Variants in PIWIL2 observed in about 807,000 individuals in gnomAD.
PIWIL2 encodes piwi like RNA-mediated gene silencing 2, also known as piwi-like protein 2.
In PIWIL2, 81 loss-of-function variants were observed where a neutral mutation model predicts 116.5. The ratio of observed to expected loss-of-function variants is 0.70; its 90% confidence interval spans 0.58 to 0.84. The LOEUF (loss-of-function observed/expected upper bound fraction) is 0.84, where lower values mean the gene tolerates loss of function less well. PIWIL2 is among the 40% of genes least tolerant of loss of function. PIWIL2 has a pLI of 0.00. For missense variants in PIWIL2, 1,272 were observed against 1,212.3 expected (o/e 1.05, Z -0.73); for synonymous variants, 489 against 429.5 (o/e 1.14, Z -1.71).
intron 7 of PIWIL2, 32 bp downstream of exon 7, chr8:22,287,677 G>T: frequency 7.5e-7 from 1 of 1,329,926 alleles, no homozygotes; most frequent in South Asian, 1.2e-5. Flanking sequence ...ACTTTGAGAT[G>T]AACCCTAAGA....
intron 20 of PIWIL2, among the ~76,000 whole-genome samples, chr8:22,320,683 C>T (rs749466865): frequency 4.6e-5 from 7 of 151,950 alleles, no homozygotes; most frequent in Non-Finnish European, 1.0e-4. Context: ...CTCCGCCTCC[C>T]GGGTTCAAGC....
chr8:22,303,226 A>T (rs1831093079), intron 10 of PIWIL2, among the ~76,000 whole-genome samples: 1 of 152,194 alleles, frequency 6.6e-6, no homozygotes, highest in Admixed American at 6.5e-5. Flanking sequence ...AACTGTATAC[A>T]CATACAAACA....
At chr8:22,351,823 CCCA>C (rs1427350917) in intron 20 of PIWIL2, among the ~76,000 whole-genome samples, 5 of 149,368 alleles carry the variant, frequency 3.3e-5, no homozygotes, top group African/African-American at 1.2e-4. Flanking sequence ...ACAGGCGTGA[CCCA>C]CCGTGTCCAG....
intron 20 of PIWIL2, among the ~76,000 whole-genome samples, chr8:22,334,382 C>T (rs927787106): frequency 6.6e-6 from 1 of 151,474 alleles, no homozygotes; most frequent in Non-Finnish European, 1.5e-5. Flanking sequence ...ATTAGCTGGG[C>T]ATCATGGCGG....
At chr8:22,304,620 G>A (rs555089031) in intron 11 of PIWIL2, among the ~76,000 whole-genome samples, 164 bp from the exon 12 acceptor site, 5 of 152,260 alleles carry the variant, frequency 3.3e-5, no homozygotes, top group African/African-American at 9.6e-5. Context: ...ATTTGAGCCT[G>A]CTTTTTCCTG....
intron 20 of PIWIL2, among the ~76,000 whole-genome samples, chr8:22,324,240 C>T (rs1406150008): frequency 6.6e-6 from 1 of 152,058 alleles, no homozygotes; most frequent in Non-Finnish European, 1.5e-5. Context: ...CCAGTCTGGG[C>T]GACAAAGCAA....
At chr8:22,328,818 G>GTTTTTTTTTT (rs57027657) in intron 20 of PIWIL2, among the ~76,000 whole-genome samples, 1 of 107,158 alleles carries the variant, frequency 9.3e-6, no homozygotes, top group Non-Finnish European at 1.8e-5. Context: ...AGCTCTAGTC[G>GTTTTTTTTTT]TTTTTTTTTT....
intron 20 of PIWIL2, among the ~76,000 whole-genome samples, chr8:22,347,289 T>C (rs1832250286): frequency 2.0e-5 from 3 of 150,744 alleles, no homozygotes; most frequent in Admixed American, 2.0e-4. Context: ...CTCGGCTCAC[T>C]GTGCAAGCTC....
chr8:22,353,052 C>T lies in PIWIL2; in HGVS notation c.2497C>T (p.Leu833=). 1.9e-6 allele frequency: 3 copies of T among 1,614,144 alleles called. No individual in the cohort carries two copies. Among genetic ancestry groups the T allele is most frequent in the Non-Finnish European group, 2.5e-6 (3 of 1,179,988 alleles). ...KTVANYEIPQ[L]QKCFEAFENY... is the part of the protein sequence containing the mutation. ...AGTTGCCAACTATGAGATTCCTCAA[C>T]TACAGAAGTGTTTTGAAGCTTTTGA... is the stretch of plus-strand genomic sequence containing the variant. Residue 833 remains leucine (L), a synonymous_variant, in exon 21 of 23, where the codon CTA becomes TTA. Coordinates refer to ENST00000356766, the MANE Select transcript of PIWIL2 (RefSeq NM_018068.5).
At chr8:22,310,964 A>G (rs1233185442) in intron 15 of PIWIL2, 148 bp from the exon 16 acceptor site, 4 of 657,880 alleles carry the variant, frequency 6.1e-6, no homozygotes, top group Non-Finnish European at 7.8e-6. Context: ...TTTTCTTATC[A>G]TGTACGTTCA....
At position 22,311,258 on chromosome 8, in the gene PIWIL2, A is replaced by G; in HGVS notation, c.1947A>G (p.Ile649Met). 1 of 1,614,200 alleles carries G rather than the reference A, an allele frequency of 6.2e-7. No homozygotes were observed. The highest frequency in any genetic ancestry group is 8.5e-7 in the Non-Finnish European group (1 of 1,180,020). ...GGGTTGAACTAAAGGATGACCGAAT[A>G]GAGACTTATGTCAGAACCATTCAAT... ...PAWVELKDDRIETYVRTIQST... is the reference protein window; with the variant it reads ...PAWVELKDDRMETYVRTIQST... Residue 649 changes from isoleucine to methionine, a missense_variant, in exon 16 of 23, where the codon ATA becomes ATG. Transcript: ENST00000356766.
intron 10 of PIWIL2, among the ~76,000 whole-genome samples, chr8:22,294,886 T>G: frequency 1.2e-5 from 1 of 86,288 alleles, no homozygotes; most frequent in Non-Finnish European, 2.1e-5. Flanking sequence ...CATGGTGAAA[T>G]CCCATCTTTA....
chr8:22,277,191 T>A (rs1830397649), intron 1 of PIWIL2, among the ~76,000 whole-genome samples: 1 of 151,956 alleles, frequency 6.6e-6, no homozygotes, highest in Non-Finnish European at 1.5e-5. Context: ...CTGGCTAATT[T>A]TTGTATTTTT....
chr8:22,277,223 T>C (rs1273310419), intron 1 of PIWIL2, among the ~76,000 whole-genome samples: 2 of 152,102 alleles, frequency 1.3e-5, no homozygotes. Flanking sequence ...GGTTTCATCA[T>C]GTTTGCCACG....
At chr8:22,343,211 C>G (rs182251493) in intron 20 of PIWIL2, among the ~76,000 whole-genome samples, 5 of 151,774 alleles carry the variant, frequency 3.3e-5, no homozygotes, top group African/African-American at 1.2e-4. Flanking sequence ...TCAAGACCAA[C>G]CTGACCAACA....
In PIWIL2 at chr8:22,299,331, C is replaced by G. The variant is rs551499830; in HGVS notation, c.1182-4690C>G. 4.6e-5 allele frequency among the ~76,000 whole-genome samples: 7 copies of G among 152,020 alleles called. No individual in the cohort carries two copies. In the South Asian group the frequency reaches 1.0e-3, roughly 23 times the overall value. The stretch of plus-strand genomic sequence containing the variant: ...GTTCAAGCGATTCTCCTGCCTCAGC[C>G]TCCTGAGTAGCTGGGATTACAGGCA... On this transcript the variant is annotated intron_variant, in intron 10 of 22. Coordinates refer to ENST00000356766, the MANE Select transcript of PIWIL2 (RefSeq NM_018068.5).
At chr8:22,330,983 T>C (rs190775411) in intron 20 of PIWIL2, among the ~76,000 whole-genome samples, 9,120 of 152,172 alleles carry the variant, frequency 0.06, 339 homozygotes, top group Admixed American at 0.091. Context: ...GAGACCAGCC[T>C]GGCCAACATG....
intron 8 of PIWIL2, among the ~76,000 whole-genome samples, chr8:22,289,339 G>A (rs1228683484): frequency 3.3e-5 from 5 of 151,992 alleles, no homozygotes; most frequent in Admixed American, 2.6e-4. Flanking sequence ...TTTTAATAGA[G>A]ATGATGTTTC....
Position 22,315,134 on chromosome 8 carries a change from G to A in PIWIL2, c.2197G>A (p.Asp733Asn), listed in dbSNP as rs1232454860. 6.4e-7 allele frequency: 1 copy of A among 1,559,312 alleles called. No homozygotes were observed. The highest frequency in any genetic ancestry group is 8.8e-7 in the Non-Finnish European group (1 of 1,130,038). The change falls in exon 18 of 23, where the codon GAT becomes AAT. Residue 733 changes from aspartate (D) to asparagine (N), a missense_variant. Transcript: ENST00000356766. ...CKLGGELWGV[D>N]IPLKQLMVIG... ...ATTGGGTGGTGAGCTCTGGGGAGTG[G>A]ATATTCCTCTGGTGAGTGATGCCGA...
Sources: allele counts gnomAD v4.1 joint callset (sites outside exome capture counted in the v4.1 genomes callset), GRCh38; gene constraint gnomAD v4.1.1; transcripts MANE v1.5; gene names NCBI Gene and HGNC (gene_info 2026-07-23, HGNC 2026-07-21).